Variants in SLC4A8 observed in about 807,000 individuals in gnomAD.
The protein encoded by SLC4A8 is solute carrier family 4 member 8.
Under a neutral mutation model 125.0 loss-of-function variants are expected in SLC4A8, and 40 were observed. The ratio of observed to expected loss-of-function variants is 0.32; its 90% CI spans 0.25 to 0.42. The LOEUF (loss-of-function observed/expected upper bound fraction) is 0.42, where lower values mean the gene tolerates loss of function less well. SLC4A8 is among the 10% of genes least tolerant of loss of function. The pLI is 1.00. For missense variants in SLC4A8, 863 were observed against 1,355.1 expected, an observed-to-expected ratio of 0.64 and a Z score of 5.70; for synonymous variants, 456 against 476.0, an observed-to-expected ratio of 0.96 and a Z score of 0.55.
chr12:51,407,056 A>C (rs1390277347), intron 1 of SLC4A8, among the ~76,000 whole-genome samples: 1 of 152,204 alleles, frequency 6.6e-6, no homozygotes, highest in Non-Finnish European at 1.5e-5. Context: ...GGCTAAGTCC[A>C]AGATGAGGGT....
chr12:51,395,557 C>T (rs903523338), intron 1 of SLC4A8, among the ~76,000 whole-genome samples: 2 of 152,178 alleles, frequency 1.3e-5, no homozygotes, highest in African/African-American at 2.4e-5. Context: ...TCCTTCCACA[C>T]GGTCCCTGGT....
chr12:51,401,322 A>G (rs1185942208), intron 1 of SLC4A8, among the ~76,000 whole-genome samples: 1 of 152,116 alleles, frequency 6.6e-6, no homozygotes, highest in African/African-American at 2.4e-5. Flanking sequence ...ATCAGATCAT[A>G]TGTGGGCTTG....
Position 51,515,507 on chromosome 12 carries a change from T to C in SLC4A8, c.*8069T>C, listed in dbSNP as rs1333906327. The C allele has an allele frequency of 6.6e-6, 1 of 152,096 alleles. No individual in the cohort carries two copies. Among genetic ancestry groups the C allele is most frequent in the Non-Finnish European group, 1.5e-5 (1 of 67,988 alleles). 9.4% of individuals were successfully genotyped at this position (152,096 alleles called of 1,614,324 possible). On this transcript the variant is annotated 3_prime_UTR_variant, in exon 25 of 25. Coordinates refer to ENST00000453097, the MANE Select transcript of SLC4A8 (RefSeq NM_001039960.3). ...TTTTTTTGTTTTAGAGATTCCAAAG[T>C]ATATATTTTTAGTGTAAGAAATGTA...
At chr12:51,446,010 A>G (rs1223192694) in intron 2 of SLC4A8, among the ~76,000 whole-genome samples, 2 of 152,178 alleles carry the variant, frequency 1.3e-5, no homozygotes, top group Admixed American at 1.3e-4. Flanking sequence ...TTTCATTAAC[A>G]TACTATAATG....
intron 10 of SLC4A8, 69 bp from the exon 11 acceptor site, chr12:51,463,545 A>C: frequency 1.7e-6 from 2 of 1,212,066 alleles, no homozygotes; most frequent in South Asian, 2.5e-5. Context: ...TCCCATTCCC[A>C]CTCCCTGCTG....
At chr12:51,415,550 C>T (rs930355692) in intron 1 of SLC4A8, among the ~76,000 whole-genome samples, 1 of 151,982 alleles carries the variant, frequency 6.6e-6, no homozygotes, top group Non-Finnish European at 1.5e-5. Flanking sequence ...CTTGCTCTGT[C>T]ACAGGCTGAC....
In SLC4A8 at chr12:51,400,801, CATAT is replaced by C. The variant is rs1177172320; in HGVS notation, c.-112+9317_-112+9320del. 1.9e-3 allele frequency among the ~76,000 whole-genome samples: 132 copies of C among 71,102 alleles called. 4 individuals carry two copies. The highest frequency in any genetic ancestry group is 2.6e-3 in the Non-Finnish European group (107 of 40,636). The allele number at this position is 71,102 out of a possible 152,430, so 46.6% of individuals were successfully genotyped here. On this transcript the variant is annotated intron_variant, in intron 1 of 24. Transcript: ENST00000358657. ...ATACATACATACACACACACACACACATATATAAACATATATGTTTATATACGTA... is the reference window on the plus strand; with the variant it reads ...ATACATACATACACACACACACACACATAAACATATATGTTTATATACGTA...
rs181139858 is a variant in SLC4A8 at position 51,473,158 on chromosome 12, C to T, written c.1905-1184C>T. 2.6e-5 allele frequency among the ~76,000 whole-genome samples: 4 copies of T among 152,306 alleles called. No individual in the cohort carries two copies. In the East Asian group the frequency reaches 7.7e-4, roughly 29 times the overall value. On this transcript the variant is annotated intron_variant, in intron 14 of 24. Transcript: ENST00000453097. The stretch of plus-strand genomic sequence containing the variant: ...TGACATGTATCCTCCATTATAATAT[C>T]ATACAGAATACTTTCACTTCCTTAA...
intron 16 of SLC4A8, chr12:51,480,202 ATGCTGGGAT>A (rs1407473070): frequency 1.9e-5 from 23 of 1,192,214 alleles, no homozygotes; most frequent in Non-Finnish European, 1.3e-5. Flanking sequence ...GCCTCCCAAA[ATGCTGGGAT>A]TACAAGCATG....
At chr12:51,474,652 C>T (rs1008506164) in intron 15 of SLC4A8, 1 of 886,936 alleles carries the variant, frequency 1.1e-6, no homozygotes, top group Non-Finnish European at 1.6e-6. Flanking sequence ...TCTCTTTTCT[C>T]CCCCCTACAT....
At position 51,512,723 on chromosome 12, in the gene SLC4A8, TTAC is replaced by T. The variant is rs1382131230; in HGVS notation, c.*5291_*5293del. 3.3e-5 allele frequency: 5 copies of T among 152,198 alleles called. No homozygotes were observed. The highest frequency in any genetic ancestry group is 1.2e-4 in the African/African-American group (5 of 41,442). The allele number at this position is 152,198 out of a possible 1,614,324, so 9.4% of individuals were successfully genotyped here. On this transcript the variant is annotated 3_prime_UTR_variant, in exon 25 of 25. Coordinates refer to ENST00000453097, the MANE Select transcript of SLC4A8 (RefSeq NM_001039960.3). ...AGAGTGTAGCCATAAGATTTCATTG[TTAC>T]TACTAGTCTTTGTGTACCTATCTGG...
At chr12:51,480,575 A>G (rs1382436002) in intron 16 of SLC4A8, 5 of 986,932 alleles carry the variant, frequency 5.1e-6, no homozygotes, top group East Asian at 1.1e-4. Context: ...TTCCATTTGT[A>G]TGGAATCCCA....
chr12:51,447,699 C>T (rs1949819742), intron 2 of SLC4A8, among the ~76,000 whole-genome samples: 1 of 150,164 alleles, frequency 6.7e-6, no homozygotes, highest in Non-Finnish European at 1.5e-5. Context: ...TCTCTGTGAG[C>T]ATGTGGGATT....
intron 19 of SLC4A8, among the ~76,000 whole-genome samples, chr12:51,493,009 T>C (rs574780405): frequency 6.6e-6 from 1 of 152,258 alleles, no homozygotes; most frequent in East Asian, 1.9e-4. Context: ...TGAGAATATT[T>C]ATATAGTCCC....
At position 51,510,490 on chromosome 12, in the gene SLC4A8, G is replaced by A. The variant is rs1938330379; in HGVS notation, c.*3052G>A. On this transcript the variant is annotated 3_prime_UTR_variant, in exon 25 of 25. Coordinates refer to ENST00000453097, the MANE Select transcript of SLC4A8 (RefSeq NM_001039960.3). ...CTTGATGGCTCTCGAATGCATGAAT[G>A]ATATATCAATTTGAAGTTTCTCGAC... The A allele has an allele frequency of 6.6e-6, 1 of 150,816 alleles. No homozygotes were observed. The highest frequency in any genetic ancestry group is 2.4e-5 in the African/African-American group (1 of 41,034). 9.3% of individuals were successfully genotyped at this position (150,816 alleles called of 1,614,324 possible).
At position 51,403,462 on chromosome 12, in the gene SLC4A8, G is replaced by A. The variant is rs527807617; in HGVS notation, c.-112+11974G>A. 4.6e-5 allele frequency among the ~76,000 whole-genome samples: 7 copies of A among 152,272 alleles called. No homozygotes were observed. The East Asian group carries it at 7.7e-4, about 17-fold the overall frequency. ...CTTGGATCCTGCTCAAAGTTCTTTC[G>A]TTTTAGGTTTACTCCCAAAGCAGCT... On this transcript the variant is annotated intron_variant, in intron 1 of 24. Coordinates refer to the SLC4A8 transcript ENST00000358657.
At chr12:51,476,791 T>C (rs916586112) in intron 16 of SLC4A8, among the ~76,000 whole-genome samples, 3 of 151,998 alleles carry the variant, frequency 2.0e-5, no homozygotes, top group Non-Finnish European at 4.4e-5. Context: ...GTGTTTCATA[T>C]AGAAAATCAG....
chr12:51,470,397 A>G lies in SLC4A8; in HGVS notation c.1530A>G (p.Ala510=). 1 of 1,613,980 alleles carries G rather than the reference A, an allele frequency of 6.2e-7. No homozygotes were observed. The highest frequency in any genetic ancestry group is 8.5e-7 in the Non-Finnish European group (1 of 1,179,884). Residue 510 remains alanine, a synonymous_variant, in exon 13 of 25, where the codon GCA becomes GCG. Transcript: ENST00000453097. Reference sequence around the variant, plus strand: ...ATGACTTTTTTTCCTCTCAGAGTGCAATTGAATCCTTGTTTGGAGCTTCCA... The same window carrying G: ...ATGACTTTTTTTCCTCTCAGAGTGCGATTGAATCCTTGTTTGGAGCTTCCA... ...LGEATEGRIS[A]IESLFGASMT...
Position 51,514,094 on chromosome 12 carries a change from T to C in SLC4A8, c.*6656T>C, listed in dbSNP as rs1938454534. The C allele has an allele frequency of 6.6e-6, 1 of 152,574 alleles. No individual in the cohort carries two copies. Among genetic ancestry groups the C allele is most frequent in the Non-Finnish European group, 1.5e-5 (1 of 68,038 alleles). The allele number at this position is 152,574 out of a possible 1,614,324, so 9.5% of individuals were successfully genotyped here. A position where few individuals can be genotyped will look rare whatever the true frequency, so the allele number is the denominator to read the frequency against. On this transcript the variant is annotated 3_prime_UTR_variant, in exon 25 of 25. Coordinates refer to ENST00000453097, the MANE Select transcript of SLC4A8 (RefSeq NM_001039960.3). ...TGGCTTTTTCAACGAGCATCAGAAA[T>C]GCTATCAATATATTCTCTCTGTTGC...
Sources: gnomAD v4.1 joint callset for allele counts (sites outside exome capture counted in the v4.1 genomes callset) on GRCh38, gnomAD v4.1.1 for gene constraint, MANE v1.5 for transcripts, NCBI Gene and HGNC (gene_info 2026-07-23, HGNC 2026-07-21) for gene names.